The following SVEP1 variants were observed in gnomAD, a reference collection of about 807,000 sequenced individuals.
SVEP1 encodes sushi, von Willebrand factor type A, EGF and pentraxin domain-containing protein 1.
SVEP1 carries 164 observed loss-of-function variants against 367.3 expected under a neutral mutation model. That is an observed-to-expected ratio of 0.45 (90% CI 0.39 to 0.51). The LOEUF (loss-of-function observed/expected upper bound fraction) is 0.51. Among genes scored for constraint, SVEP1 ranks in the 20% least tolerant of loss-of-function variants. The pLI is 0.00. For missense variants in SVEP1, 4,117 were observed against 4,425.3 expected (o/e 0.93, Z 1.98); for synonymous variants, 1,666 against 1,611.6 (o/e 1.03, Z -0.81).
intron 1 of SVEP1, among the ~76,000 whole-genome samples, chr9:110,570,970 C>CTTTTTTTTTTTTTTT (rs374900472): frequency 5.2e-5 from 6 of 114,918 alleles, no homozygotes; most frequent in African/African-American, 1.9e-4. Context: ...CAGATGGCTC[C>CTTTTTTTTTTTTTTT]TTTTTTTTTT....
intron 1 of SVEP1, among the ~76,000 whole-genome samples, chr9:110,561,006 A>G (rs1830419790): frequency 6.6e-6 from 1 of 152,102 alleles, no homozygotes; most frequent in Non-Finnish European, 1.5e-5. Context: ...ACAAAATAAA[A>G]TCTAAACTTC....
intron 26 of SVEP1, among the ~76,000 whole-genome samples, chr9:110,444,537 AAAG>A (rs1241713470): frequency 6.6e-6 from 1 of 152,228 alleles, no homozygotes; most frequent in Admixed American, 6.5e-5. Flanking sequence ...GATCCAAAGA[AAAG>A]AATAATTGAA....
chr9:110,381,498 T>C (rs1209948238), intron 43 of SVEP1, among the ~76,000 whole-genome samples: 4 of 152,186 alleles, frequency 2.6e-5, no homozygotes, highest in African/African-American at 9.6e-5. Flanking sequence ...CGTAGTTGTG[T>C]GGTTTTGAGT....
At chr9:110,508,217 A>G (rs778284675) in intron 5 of SVEP1, among the ~76,000 whole-genome samples, 2 of 152,142 alleles carry the variant, frequency 1.3e-5, no homozygotes, top group Non-Finnish European at 2.9e-5. Context: ...AGCAACTTAG[A>G]CTTTTAAGAG....
At chr9:110,517,828 A>G (rs1410176042) in intron 3 of SVEP1, among the ~76,000 whole-genome samples, 6 of 151,492 alleles carry the variant, frequency 4.0e-5, no homozygotes, top group Non-Finnish European at 8.8e-5. Context: ...CAAGAACGAG[A>G]AAAAAAGGTA....
Position 110,406,304 on chromosome 9 carries a change from C to A in SVEP1, c.9296G>T (p.Ser3099Ile), listed in dbSNP as rs768191026. The A allele has an allele frequency of 6.2e-7, 1 of 1,614,072 alleles. No homozygotes were observed. Among genetic ancestry groups the A allele is most frequent in the East Asian group, 2.2e-5 (1 of 44,896 alleles). ...SCRSGYVIQG[S>I]SDLICTEKGV... ...TTTCTCTGTACAAATCAGATCTGAA[C>A]TGCCTTGTATGACATATCCAGACCT... The change falls in exon 38 of 48, where the codon AGT (serine) becomes ATT (isoleucine). Residue 3099 changes from serine (S) to isoleucine (I), a missense_variant. Around this residue, in one of 4 missense-constraint regions of SVEP1, gnomAD observed 1,765 missense variants for 1,781.1 expected, o/e 0.99. Coordinates refer to ENST00000374469, the MANE Select transcript of SVEP1 (RefSeq NM_153366.4).
chr9:110,533,143 C>T (rs1160165945), intron 3 of SVEP1, among the ~76,000 whole-genome samples: 1 of 152,088 alleles, frequency 6.6e-6, no homozygotes, highest in Non-Finnish European at 1.5e-5. Flanking sequence ...GCTCACCTGC[C>T]GCTCACCTCC....
intron 3 of SVEP1, among the ~76,000 whole-genome samples, chr9:110,519,801 G>C (rs1015847509): frequency 2.6e-5 from 4 of 152,192 alleles, no homozygotes; most frequent in African/African-American, 9.7e-5. Context: ...TAGACTTGGA[G>C]TCAAGACAAC....
At chr9:110,417,018 A>C (rs1828132885) in intron 36 of SVEP1, among the ~76,000 whole-genome samples, 1 of 152,058 alleles carries the variant, frequency 6.6e-6, no homozygotes, top group African/African-American at 2.4e-5. Context: ...TCACTAAATT[A>C]GACTCATAAA....
Position 110,411,752 on chromosome 9 carries a change from A to C in SVEP1, c.5976-17T>G, listed in dbSNP as rs1790983836. 1 of 1,488,774 alleles carries C rather than the reference A, an allele frequency of 6.7e-7. No individual in the cohort carries two copies. The highest frequency in any genetic ancestry group is 1.4e-5 in the South Asian group (1 of 73,764). The allele number at this position is 1,488,774 out of a possible 1,614,324, so 92.2% of individuals were successfully genotyped here. A position where few individuals can be genotyped will look rare whatever the true frequency, so the allele number is the denominator to read the frequency against. ...AGAGTATAGCTGTGAGGTTGGGAAG[A>C]AAGAAAGAATAACTAAGCATAATAT... On this transcript the variant is annotated splice_polypyrimidine_tract_variant and intron_variant, in intron 36 of 47. Coordinates refer to ENST00000374469, the MANE Select transcript of SVEP1 (RefSeq NM_153366.4).
chr9:110,553,171 A>G (rs1830312819), intron 1 of SVEP1, among the ~76,000 whole-genome samples: 2 of 152,198 alleles, frequency 1.3e-5, no homozygotes, highest in East Asian at 3.9e-4. Context: ...GCTGAGAGGT[A>G]AGTATCTCTT....
intron 21 of SVEP1, 37 bp from the exon 22 acceptor site, chr9:110,455,740 G>A (rs1828767576): frequency 4.6e-6 from 7 of 1,533,428 alleles, no homozygotes; most frequent in Non-Finnish European, 6.2e-6. Flanking sequence ...ACAATCCAAG[G>A]ATGGGATTAA....
intron 18 of SVEP1, among the ~76,000 whole-genome samples, chr9:110,461,712 G>C (rs1183365792): frequency 6.6e-6 from 1 of 152,168 alleles, no homozygotes; most frequent in Non-Finnish European, 1.5e-5. Context: ...AGAGCTCAAT[G>C]AAGAGATGGT....
intron 36 of SVEP1, among the ~76,000 whole-genome samples, chr9:110,426,286 T>G (rs999158064): frequency 2.6e-5 from 4 of 152,250 alleles, no homozygotes; most frequent in Non-Finnish European, 4.4e-5. Context: ...GTGGAATGGT[T>G]TTCTACTCCT....
At position 110,387,348 on chromosome 9, in the gene SVEP1, C is replaced by T; in HGVS notation, c.9997G>A (p.Gly3333Arg). The change falls in exon 42 of 48, where the codon GGG becomes AGG. Residue 3333 changes from glycine (G) to arginine (R), a missense_variant. Gly to Arg is a moderately radical substitution (Grantham distance 125). Transcript: ENST00000374469. Reference protein sequence around the residue: ...YSCNRGYSLEGPSEAHCTENG... With the variant: ...YSCNRGYSLERPSEAHCTENG... ...TCTGTGCAGTGTGCCTCAGATGGCC[C>T]TTCAAGACTGTAGCCTCTGTTGCAG... 6.2e-7 allele frequency: 1 copy of T among 1,613,562 alleles called. No individual in the cohort carries two copies. The highest frequency in any genetic ancestry group is 8.5e-7 in the Non-Finnish European group (1 of 1,179,782).
chr9:110,366,840 A>T (rs1319974300), intron 47 of SVEP1, among the ~76,000 whole-genome samples: 1 of 152,200 alleles, frequency 6.6e-6, no homozygotes, highest in Non-Finnish European at 1.5e-5. Flanking sequence ...CTTCTGTAAA[A>T]TGAGGGGTTT....
intron 19 of SVEP1, 23 bp from the exon 20 acceptor site, chr9:110,458,585 T>C: frequency 6.3e-7 from 1 of 1,590,432 alleles, no homozygotes; most frequent in Non-Finnish European, 8.6e-7. Context: ...TAGAAAAACA[T>C]GTCAGTGTGG....
In SVEP1 at chr9:110,406,635, A is replaced by G; in HGVS notation, c.8965T>C (p.Cys2989Arg). ...CCACTCCAGGAGCCATTGGAGAGGC[A>G]CCTTCTTGATGAATTTCCATGGAGC... is the stretch of plus-strand genomic sequence containing the variant. ...YKLHGNSSRR[C>R]LSNGSWSGSS... The change falls in exon 38 of 48, where the codon TGC becomes CGC. Residue 2989 changes from cysteine to arginine, a missense_variant. Transcript: ENST00000374469. 1 of 1,613,994 alleles carries G rather than the reference A, an allele frequency of 6.2e-7. No individual in the cohort carries two copies. Among genetic ancestry groups the G allele is most frequent in the Admixed American group, 1.7e-5 (1 of 60,020 alleles).
chr9:110,512,744 C>A, intron 5 of SVEP1, 182 bp downstream of exon 5: 1 of 744,698 alleles, frequency 1.3e-6, no homozygotes, highest in South Asian at 1.7e-5. Context: ...GCGTAGTTTA[C>A]AATTATGTGG....
Sources: allele counts gnomAD v4.1 joint callset (sites outside exome capture counted in the v4.1 genomes callset), GRCh38; gene constraint gnomAD v4.1.1; regional missense constraint gnomAD v4.1.1; transcripts MANE v1.5; gene names NCBI Gene and HGNC (gene_info 2026-07-23, HGNC 2026-07-21).